Variants in ARHGAP26 observed in about 807,000 individuals in gnomAD.
The protein encoded by ARHGAP26 is Rho GTPase activating protein 26.
Under a neutral mutation model 104.8 loss-of-function variants are expected in ARHGAP26, and 38 were observed. That is an observed-to-expected ratio of 0.36 (90% CI 0.28 to 0.48). The LOEUF (loss-of-function observed/expected upper bound fraction) is 0.48. Ranked by LOEUF, ARHGAP26 falls within the 20% of genes least tolerant of loss-of-function variation. ARHGAP26 has a pLI of 0.99. For synonymous variants in ARHGAP26, 341 were observed against 340.0 expected (o/e 1.00, Z -0.03); for missense variants, 704 against 947.9 (o/e 0.74, Z 3.38).
chr5:142,960,861 T>C (rs1770114220), intron 11 of ARHGAP26, among the ~76,000 whole-genome samples: 1 of 152,230 alleles, frequency 6.6e-6, no homozygotes, highest in African/African-American at 2.4e-5. Context: ...CATGCTGTTC[T>C]GCTGGTCTTC....
intron 12 of ARHGAP26, among the ~76,000 whole-genome samples, chr5:143,024,754 C>T (rs915330485): frequency 6.6e-6 from 1 of 152,144 alleles, no homozygotes; most frequent in African/African-American, 2.4e-5. Flanking sequence ...ATTCTGAGGG[C>T]AAACTTGGTC....
At chr5:142,865,472 G>A (rs897202836) in intron 1 of ARHGAP26, among the ~76,000 whole-genome samples, 6 of 149,560 alleles carry the variant, frequency 4.0e-5, no homozygotes, top group African/African-American at 1.5e-4. Context: ...TTTTCAACAC[G>A]GAGAAGTTTT....
At chr5:142,911,469 T>G (rs963199986) in intron 9 of ARHGAP26, among the ~76,000 whole-genome samples, 2 of 152,204 alleles carry the variant, frequency 1.3e-5, no homozygotes, top group African/African-American at 4.8e-5. Context: ...TTTCCTAACC[T>G]TCCTGACCAG....
intron 19 of ARHGAP26, among the ~76,000 whole-genome samples, chr5:143,140,018 C>T (rs911277829): frequency 6.6e-6 from 1 of 152,178 alleles, no homozygotes; most frequent in African/African-American, 2.4e-5. Flanking sequence ...TGTTGAAATG[C>T]GTTTCTTGGA....
chr5:143,051,431 T>C (rs1403868628), intron 14 of ARHGAP26, among the ~76,000 whole-genome samples: 1 of 152,240 alleles, frequency 6.6e-6, no homozygotes, highest in Non-Finnish European at 1.5e-5. Flanking sequence ...AGATCTGTTT[T>C]ACTAAGCAGC....
chr5:143,161,004 ATTTTTTTT>A (rs11361288), intron 20 of ARHGAP26, among the ~76,000 whole-genome samples: 2 of 93,544 alleles, frequency 2.1e-5, no homozygotes, highest in South Asian at 3.5e-4. Context: ...GCTATTTCAG[ATTTTTTTT>A]TTTTTTTTTT....
intron 17 of ARHGAP26, among the ~76,000 whole-genome samples, chr5:143,080,986 C>T (rs1488984422): frequency 6.6e-6 from 1 of 152,030 alleles, no homozygotes; most frequent in Non-Finnish European, 1.5e-5. Flanking sequence ...ACAGGATTAA[C>T]CAATGAGCTA....
At chr5:143,070,556 A>G (rs1345043667) in intron 17 of ARHGAP26, among the ~76,000 whole-genome samples, 2 of 152,206 alleles carry the variant, frequency 1.3e-5, no homozygotes, top group East Asian at 1.9e-4. Flanking sequence ...AAAAATTTAT[A>G]TTGTTAACAG....
chr5:143,144,908 CATT>C (rs1798985392), intron 19 of ARHGAP26, among the ~76,000 whole-genome samples: 1 of 152,224 alleles, frequency 6.6e-6, no homozygotes. Flanking sequence ...TTCTCAGTCT[CATT>C]ATGTGTTGTC....
rs375724018 is a variant in ARHGAP26, at chr5:143,149,225, T to C, written c.1988+1844T>C. Among the ~76,000 whole-genome samples the C allele has an allele frequency of 3.3e-5, 5 of 151,980 alleles. No individual in the cohort carries two copies. In the East Asian group the frequency reaches 9.7e-4, roughly 29 times the overall value. ...GAAGGGAGGGTGATAACAGGAACGG[T>C]TCTAATTGTCTCTGGAGGAGAATTA... On this transcript the variant is annotated intron_variant, in intron 20 of 22. Coordinates refer to ENST00000645722, the MANE Select transcript of ARHGAP26 (RefSeq NM_001135608.3).
At chr5:142,810,217 A>G (rs570161142) in intron 1 of ARHGAP26, among the ~76,000 whole-genome samples, 10 of 152,232 alleles carry the variant, frequency 6.6e-5, no homozygotes, top group Non-Finnish European at 1.5e-4. Flanking sequence ...TCTTGGCTTT[A>G]TCAGAGAAAG....
At chr5:142,799,026 C>G (rs1229805492) in intron 1 of ARHGAP26, among the ~76,000 whole-genome samples, 1 of 152,156 alleles carries the variant, frequency 6.6e-6, no homozygotes. Flanking sequence ...CTGTTCCTTC[C>G]CAATCTGGTA....
chr5:142,774,906 G>A (rs551659261), intron 1 of ARHGAP26, among the ~76,000 whole-genome samples: 3 of 152,048 alleles, frequency 2.0e-5, no homozygotes, highest in African/African-American at 7.2e-5. Flanking sequence ...TCCTCTTATG[G>A]CTGGGTAGCT....
At chr5:142,833,642 A>G (rs1003671799) in intron 1 of ARHGAP26, among the ~76,000 whole-genome samples, 4 of 152,124 alleles carry the variant, frequency 2.6e-5, no homozygotes, top group Non-Finnish European at 5.9e-5. Flanking sequence ...GGGACATCCT[A>G]CCTACCGCTG....
At chr5:142,994,397 C>T (rs1776075987) in intron 11 of ARHGAP26, among the ~76,000 whole-genome samples, 1 of 152,128 alleles carries the variant, frequency 6.6e-6, no homozygotes, top group Non-Finnish European at 1.5e-5. Context: ...ATGTTGGGGC[C>T]AGCTTATCAG....
intron 11 of ARHGAP26, among the ~76,000 whole-genome samples, chr5:142,949,980 A>G (rs1422914582): frequency 1.3e-5 from 2 of 152,246 alleles, no homozygotes; most frequent in African/African-American, 4.8e-5. Context: ...CTTTGTTCTT[A>G]ATATCCAGAA....
intron 11 of ARHGAP26, among the ~76,000 whole-genome samples, chr5:142,948,114 A>G (rs1452092452): frequency 6.6e-6 from 1 of 152,160 alleles, no homozygotes; most frequent in Non-Finnish European, 1.5e-5. Flanking sequence ...GCGGGCTTTG[A>G]TGCGGCACTT....
chr5:143,076,975 G>A (rs1390145801), intron 17 of ARHGAP26, among the ~76,000 whole-genome samples: 1 of 152,198 alleles, frequency 6.6e-6, no homozygotes, highest in Non-Finnish European at 1.5e-5. Context: ...TTGCACATGT[G>A]TGAGTTTTAG....
intron 10 of ARHGAP26, among the ~76,000 whole-genome samples, chr5:142,931,288 G>T (rs1020258032): frequency 5.3e-5 from 8 of 152,198 alleles, no homozygotes; most frequent in Admixed American, 5.2e-4. Context: ...AGGGCTTTCA[G>T]CCGCTTCTCC....
Sources: allele counts gnomAD v4.1 joint callset (sites outside exome capture counted in the v4.1 genomes callset), GRCh38; gene constraint gnomAD v4.1.1; transcripts MANE v1.5; gene names NCBI Gene and HGNC (gene_info 2026-07-23, HGNC 2026-07-21).